Variants in CADM2 observed in about 807,000 individuals in gnomAD.
CADM2 encodes the protein cell adhesion molecule 2.
In CADM2, 12 loss-of-function variants were observed where a neutral mutation model predicts 49.8. That is an observed-to-expected ratio of 0.24 (90% CI 0.15 to 0.39). The LOEUF (loss-of-function observed/expected upper bound fraction) is 0.39. Ranked by LOEUF, CADM2 falls within the 10% of genes least tolerant of loss-of-function variation. The probability of loss-of-function intolerance (pLI) is 1.00; values close to 1 mark genes in which losing one functional copy is unlikely to be tolerated. For missense variants in CADM2, 378 were observed against 492.3 expected (o/e 0.77, Z 2.20); for synonymous variants, 214 against 175.4 (o/e 1.22, Z -1.74).
chr3:85,757,676 A>T (rs914364993), intron 2 of CADM2, among the ~76,000 whole-genome samples: 33 of 152,148 alleles, frequency 2.2e-4, no homozygotes, highest in Non-Finnish European at 4.3e-4. Flanking sequence ...TTGAGAAGAA[A>T]CATAGTATTG....
chr3:84,960,638 C>T lies in CADM2; in HGVS notation c.61+970C>T, dbSNP rs2030417290. 2.0e-5 allele frequency among the ~76,000 whole-genome samples: 3 copies of T among 152,254 alleles called. No homozygotes were observed. In the South Asian group the frequency reaches 6.2e-4, roughly 32 times the overall value. ...CGTGAAATGTAAGAACCTCTGCGAC[C>T]GCAGCAGTGGAGGGAAACCGCACAA... On this transcript the variant is annotated intron_variant, in intron 1 of 9. Transcript: ENST00000383699.
At chr3:85,395,403 A>G (rs1228136088) in intron 1 of CADM2, among the ~76,000 whole-genome samples, 1 of 152,030 alleles carries the variant, frequency 6.6e-6, no homozygotes, top group Non-Finnish European at 1.5e-5. Context: ...AATCTAATGT[A>G]ACATTATTAC....
chr3:85,258,469 T>C (rs976670422), intron 1 of CADM2, among the ~76,000 whole-genome samples: 11 of 150,614 alleles, frequency 7.3e-5, no homozygotes, highest in African/African-American at 2.0e-4. Context: ...TTCTGCTCCA[T>C]AGAGATAGAC....
At chr3:85,758,808 G>A (rs1280960220) in intron 2 of CADM2, among the ~76,000 whole-genome samples, 4 of 152,018 alleles carry the variant, frequency 2.6e-5, no homozygotes, top group East Asian at 1.9e-4. Flanking sequence ...GGTACTAGAA[G>A]TATCAGTGTT....
chr3:85,391,036 G>A (rs556162569), intron 1 of CADM2, among the ~76,000 whole-genome samples: 3 of 152,090 alleles, frequency 2.0e-5, no homozygotes, highest in East Asian at 3.9e-4. Flanking sequence ...TTGTTTTAAT[G>A]TACAGTTGAA....
At chr3:85,043,602 T>G (rs936983138) in intron 1 of CADM2, among the ~76,000 whole-genome samples, 1 of 152,012 alleles carries the variant, frequency 6.6e-6, no homozygotes, top group Non-Finnish European at 1.5e-5. Context: ...TCTCTTGAGT[T>G]CTGGAATTTG....
intron 1 of CADM2, among the ~76,000 whole-genome samples, chr3:85,154,374 A>C (rs1209284386): frequency 2.0e-5 from 3 of 152,142 alleles, no homozygotes; most frequent in Non-Finnish European, 4.4e-5. Flanking sequence ...TGAAGCGAGA[A>C]GGGAAGTTTA....
chr3:85,809,762 C>CA, intron 3 of CADM2, among the ~76,000 whole-genome samples: 1 of 82,278 alleles, frequency 1.2e-5, no homozygotes. Flanking sequence ...CTCCCTCCCT[C>CA]CCTCTCTCTC....
chr3:85,913,314 C>T (rs896507677), intron 6 of CADM2, among the ~76,000 whole-genome samples: 1 of 151,934 alleles, frequency 6.6e-6, no homozygotes, highest in African/African-American at 2.4e-5. Flanking sequence ...TGAATTGAAA[C>T]ATGTGAAATA....
chr3:85,930,186 G>A (rs1720410253), intron 6 of CADM2, among the ~76,000 whole-genome samples: 1 of 152,072 alleles, frequency 6.6e-6, no homozygotes, highest in Non-Finnish European at 1.5e-5. Flanking sequence ...TACACATGTA[G>A]TACTTGCATT....
At chr3:85,782,309 T>G (rs2107997354) in intron 2 of CADM2, among the ~76,000 whole-genome samples, 1 of 152,290 alleles carries the variant, frequency 6.6e-6, no homozygotes, top group East Asian at 1.9e-4. Flanking sequence ...TTTTTAACTC[T>G]TTTGTAAACA....
At chr3:85,756,044 C>T (rs1253751477) in intron 2 of CADM2, among the ~76,000 whole-genome samples, 1 of 152,116 alleles carries the variant, frequency 6.6e-6, no homozygotes, top group East Asian at 1.9e-4. Context: ...ACCTTGTTAG[C>T]ATAAACTCAA....
chr3:85,955,295 A>G (rs1723917788), intron 7 of CADM2, among the ~76,000 whole-genome samples: 1 of 151,454 alleles, frequency 6.6e-6, no homozygotes, highest in South Asian at 2.1e-4. Flanking sequence ...AAAAAAAGGC[A>G]GCACGAATCC....
At chr3:85,047,567 C>T (rs896685252) in intron 1 of CADM2, among the ~76,000 whole-genome samples, 1 of 152,038 alleles carries the variant, frequency 6.6e-6, no homozygotes, top group Non-Finnish European at 1.5e-5. Flanking sequence ...TTATTGAATA[C>T]ATACTGTATG....
At chr3:85,770,253 A>C (rs1420996966) in intron 2 of CADM2, among the ~76,000 whole-genome samples, 1 of 152,120 alleles carries the variant, frequency 6.6e-6, no homozygotes, top group Non-Finnish European at 1.5e-5. Context: ...AAATTTCAAG[A>C]ATCCTCACAT....
At chr3:85,533,323 G>T (rs942097854) in intron 1 of CADM2, among the ~76,000 whole-genome samples, 2 of 152,020 alleles carry the variant, frequency 1.3e-5, no homozygotes, top group African/African-American at 4.8e-5. Flanking sequence ...CTTTTTTGAT[G>T]CAGGAATCTA....
intron 1 of CADM2, among the ~76,000 whole-genome samples, chr3:85,042,752 T>C (rs1171042870): frequency 6.6e-6 from 1 of 152,154 alleles, no homozygotes; most frequent in South Asian, 2.1e-4. Context: ...CCAAACAACT[T>C]TCCTGGTGAT....
chr3:85,376,992 A>G (rs925551473), intron 1 of CADM2, among the ~76,000 whole-genome samples: 2 of 152,122 alleles, frequency 1.3e-5, no homozygotes, highest in African/African-American at 4.8e-5. Context: ...TATTAAATTC[A>G]TCAGATCTTT....
At chr3:85,482,674 C>T (rs1412492077) in intron 1 of CADM2, among the ~76,000 whole-genome samples, 1 of 151,622 alleles carries the variant, frequency 6.6e-6, no homozygotes, top group Non-Finnish European at 1.5e-5. Context: ...ATTGACAGAA[C>T]ACCTCCTTAG....
Sources: allele counts gnomAD v4.1 joint callset (sites outside exome capture counted in the v4.1 genomes callset), GRCh38; gene constraint gnomAD v4.1.1; transcripts MANE v1.5; gene names NCBI Gene and HGNC (gene_info 2026-07-23, HGNC 2026-07-21).